The following GRIN2A variants were observed in gnomAD, a reference collection of about 807,000 sequenced individuals.
GRIN2A encodes the protein glutamate receptor ionotropic, NMDA 2A.
A neutral mutation model predicts 113.4 loss-of-function variants in GRIN2A; 22 were observed. The ratio of observed to expected loss-of-function variants is 0.19; its 90% CI spans 0.14 to 0.28. The LOEUF is 0.28. GRIN2A is among the 10% of genes least tolerant of loss of function. The probability of loss-of-function intolerance (pLI) is 1.00; values close to 1 mark genes in which losing one functional copy is unlikely to be tolerated. For missense variants in GRIN2A, 1,502 were observed against 1,887.0 expected (o/e 0.80, Z 3.78); for synonymous variants, 827 against 738.4 (o/e 1.12, Z -1.94).
intron 5 of GRIN2A, among the ~76,000 whole-genome samples, chr16:9,843,755 C>T (rs1367358916): frequency 1.3e-5 from 2 of 152,142 alleles, no homozygotes; most frequent in Non-Finnish European, 2.9e-5. Flanking sequence ...TAGTAGGAGG[C>T]CACATCTGTG....
intron 2 of GRIN2A, among the ~76,000 whole-genome samples, chr16:10,138,212 A>G (rs1368022380): frequency 6.6e-6 from 1 of 152,236 alleles, no homozygotes; most frequent in Non-Finnish European, 1.5e-5. Context: ...TTAACACTGA[A>G]GACTCAGAAG....
At chr16:9,897,819 A>G (rs2043836352) in intron 3 of GRIN2A, among the ~76,000 whole-genome samples, 1 of 152,140 alleles carries the variant, frequency 6.6e-6, no homozygotes, top group African/African-American at 2.4e-5. Context: ...TAACTGGTAG[A>G]CTGTAATCAT....
chr16:9,825,855 G>C (rs1283515456), intron 9 of GRIN2A, among the ~76,000 whole-genome samples: 1 of 152,128 alleles, frequency 6.6e-6, no homozygotes, highest in East Asian at 1.9e-4. Flanking sequence ...ACTGAGAGCA[G>C]TTGCCTCAAT....
At chr16:9,831,184 G>A (rs1212334264) in intron 8 of GRIN2A, among the ~76,000 whole-genome samples, 1 of 152,190 alleles carries the variant, frequency 6.6e-6, no homozygotes, top group East Asian at 1.9e-4. Context: ...GGGCTGAGGA[G>A]TTTGCACAAC....
chr16:9,820,375 A>G (rs1014416887), intron 10 of GRIN2A, among the ~76,000 whole-genome samples: 2 of 152,220 alleles, frequency 1.3e-5, no homozygotes, highest in Middle Eastern at 3.2e-3. Flanking sequence ...GTCATCAACA[A>G]TTGGTCTTTT....
intron 2 of GRIN2A, among the ~76,000 whole-genome samples, chr16:10,057,247 C>A (rs1398207030): frequency 1.3e-5 from 2 of 152,116 alleles, no homozygotes; most frequent in East Asian, 3.9e-4. Context: ...GCTAATAACC[C>A]CACTAATATC....
At chr16:10,060,177 G>A (rs1273375829) in intron 2 of GRIN2A, among the ~76,000 whole-genome samples, 2 of 152,142 alleles carry the variant, frequency 1.3e-5, no homozygotes, top group East Asian at 1.9e-4. Flanking sequence ...GAACAGAGAA[G>A]GGAAAGGTCA....
intron 2 of GRIN2A, among the ~76,000 whole-genome samples, chr16:10,072,399 T>G (rs2047771207): frequency 6.6e-6 from 1 of 152,226 alleles, no homozygotes; most frequent in African/African-American, 2.4e-5. Context: ...CCTACAATTT[T>G]ATGGCTCCGA....
At chr16:10,027,050 T>C (rs1798583022) in intron 2 of GRIN2A, among the ~76,000 whole-genome samples, 2 of 152,322 alleles carry the variant, frequency 1.3e-5, no homozygotes, top group Non-Finnish European at 1.5e-5. Context: ...TATTATCAGC[T>C]GACACATTAA....
At chr16:9,813,521 C>T (rs1467270702) in intron 10 of GRIN2A, among the ~76,000 whole-genome samples, 1 of 142,362 alleles carries the variant, frequency 7.0e-6, no homozygotes. Flanking sequence ...TTTTTTTTGC[C>T]TTTTTTTTTT....
At chr16:10,021,937 G>A (rs552511020) in intron 2 of GRIN2A, among the ~76,000 whole-genome samples, 12 of 152,198 alleles carry the variant, frequency 7.9e-5, no homozygotes, top group African/African-American at 1.9e-4. Context: ...TGGGCAAGTC[G>A]CTTCACCTCT....
Position 9,887,465 on chromosome 16 carries a change from C to G in GRIN2A, c.1122+3521G>C, listed in dbSNP as rs144816579. On this transcript the variant is annotated intron_variant, in intron 4 of 12. Transcript: ENST00000330684. ...CATGTCTTCACGTAATATAATCTTT[C>G]GTGTCTTTCTTTGATTCCATATAAT... Among the ~76,000 whole-genome samples, 793 of 152,268 alleles carry G rather than the reference C, an allele frequency of 5.2e-3. 4 individuals carry two copies. Among genetic ancestry groups the G allele is most frequent in the African/African-American group, 0.018 (730 of 41,538 alleles).
intron 2 of GRIN2A, among the ~76,000 whole-genome samples, chr16:10,062,138 C>T (rs7189360): frequency 0.14 from 21,253 of 152,138 alleles, 2,064 homozygotes; most frequent in African/African-American, 0.27. Context: ...GACTTCTCCA[C>T]TGATGTACAT....
At chr16:9,935,109 G>A (rs1292244290) in intron 3 of GRIN2A, among the ~76,000 whole-genome samples, 4 of 152,180 alleles carry the variant, frequency 2.6e-5, no homozygotes, top group Non-Finnish European at 4.4e-5. Flanking sequence ...GGATCTAAAT[G>A]TCTTGCCAAT....
At chr16:10,028,503 C>A (rs2046864048) in intron 2 of GRIN2A, among the ~76,000 whole-genome samples, 1 of 152,282 alleles carries the variant, frequency 6.6e-6, no homozygotes, top group African/African-American at 2.4e-5. Flanking sequence ...ATAGGACACC[C>A]TTTCTTCTCT....
intron 2 of GRIN2A, among the ~76,000 whole-genome samples, chr16:10,157,926 T>C (rs1596562589): frequency 6.6e-6 from 1 of 152,314 alleles, no homozygotes; most frequent in African/African-American, 2.4e-5. Context: ...TGTTATCTTC[T>C]GCTTATCATA....
chr16:9,987,062 G>A (rs962518199), intron 2 of GRIN2A, among the ~76,000 whole-genome samples: 1 of 152,096 alleles, frequency 6.6e-6, no homozygotes, highest in Non-Finnish European at 1.5e-5. Flanking sequence ...GATGCAGGAG[G>A]TCCATAGACT....
At chr16:9,975,573 C>T (rs552111515) in intron 2 of GRIN2A, among the ~76,000 whole-genome samples, 3 of 152,204 alleles carry the variant, frequency 2.0e-5, no homozygotes, top group South Asian at 2.1e-4. Flanking sequence ...GTGAATCATT[C>T]GTCACAGCAG....
chr16:9,959,928 G>A (rs1305760063), intron 2 of GRIN2A, among the ~76,000 whole-genome samples: 2 of 152,080 alleles, frequency 1.3e-5, no homozygotes, highest in African/African-American at 2.4e-5. Context: ...AGCCAAAATC[G>A]GGCCACTGCA....
Sources: gnomAD v4.1 joint callset for allele counts (sites outside exome capture counted in the v4.1 genomes callset) on GRCh38, gnomAD v4.1.1 for gene constraint, MANE v1.5 for transcripts, NCBI Gene and HGNC (gene_info 2026-07-23, HGNC 2026-07-21) for gene names.